Variants in VAV2 observed in about 807,000 individuals in gnomAD.
VAV2 encodes guanine nucleotide exchange factor VAV2.
Under a neutral mutation model 132.5 loss-of-function variants are expected in VAV2, and 67 were observed. The observed-to-expected ratio is 0.51, with a 90% CI of 0.42 to 0.62. The LOEUF is 0.62. Ranked by LOEUF, VAV2 falls within the 20% of genes least tolerant of loss-of-function variation. The pLI is 0.00. For synonymous variants in VAV2, 492 were observed against 443.5 expected (o/e 1.11, Z -1.37); for missense variants, 938 against 1,153.6 (o/e 0.81, Z 2.71).
intron 12 of VAV2, among the ~76,000 whole-genome samples, chr9:133,793,090 G>A (rs1178617530): frequency 1.3e-5 from 2 of 151,964 alleles, no homozygotes; most frequent in African/African-American, 4.8e-5. Flanking sequence ...AGAATGAGGG[G>A]TCAGGAAGTC....
chr9:133,802,276 G>GCA lies in VAV2; in HGVS notation c.836+3803_836+3804dup, dbSNP rs36068507. On this transcript the variant is annotated intron_variant, in intron 9 of 29. Transcript: ENST00000371850. This position sits in a 1 kb window ranked among gnomAD's most constrained non-coding sequence, Gnocchi z 5.8. ...ATAACACACACGGGCACACATGTAT[G>GCA]CACACACACACACATGCATGTGCAC... 8.7e-5 allele frequency among the ~76,000 whole-genome samples: 13 copies of GCA among 150,202 alleles called. No individual in the cohort carries two copies. The highest frequency in any genetic ancestry group is 1.2e-4 in the Non-Finnish European group (8 of 67,534).
intron 3 of VAV2, among the ~76,000 whole-genome samples, chr9:133,858,608 C>T (rs188419240): frequency 1.2e-4 from 18 of 152,338 alleles, no homozygotes; most frequent in African/African-American, 4.3e-4. Context: ...GCTACTGTCA[C>T]TGAGTGTGTT....
At chr9:133,900,805 T>TTATG (rs952507972) in intron 2 of VAV2, among the ~76,000 whole-genome samples, 40 of 125,648 alleles carry the variant, frequency 3.2e-4, no homozygotes, top group Middle Eastern at 4.5e-3. Flanking sequence ...ATTTATTTAT[T>TTATG]TATGTATTTT....
chr9:133,953,065 C>T (rs1433732522), intron 1 of VAV2, among the ~76,000 whole-genome samples: 3 of 149,536 alleles, frequency 2.0e-5, no homozygotes, highest in East Asian at 2.0e-4. Context: ...GGAGGGAGCA[C>T]GGCCCCACTG....
At chr9:133,792,249 A>G (rs1171334895) in intron 12 of VAV2, among the ~76,000 whole-genome samples, 1,285 of 44,314 alleles carry the variant, frequency 0.029, 1 homozygote, top group Middle Eastern at 0.045. Context: ...GACTGTGTGT[A>G]TAAGCGGGCT....
chr9:133,793,779 A>T (rs1388302999), intron 12 of VAV2, among the ~76,000 whole-genome samples: 2 of 152,186 alleles, frequency 1.3e-5, no homozygotes, highest in African/African-American at 4.8e-5. Flanking sequence ...CCTCAGGCCC[A>T]CAGCGGCACG....
chr9:133,871,774 A>C (rs1254638103), intron 2 of VAV2, among the ~76,000 whole-genome samples: 2 of 152,144 alleles, frequency 1.3e-5, no homozygotes, highest in Non-Finnish European at 2.9e-5. Context: ...TGACTCGACC[A>C]AGGTCTCATT....
At chr9:133,953,128 G>C (rs536424013) in intron 1 of VAV2, among the ~76,000 whole-genome samples, 6 of 152,214 alleles carry the variant, frequency 3.9e-5, no homozygotes, top group African/African-American at 1.4e-4. Flanking sequence ...ACCTCCAGAG[G>C]CAGCACAGCC....
At chr9:133,789,978 AGGCTCAGTG>A (rs1215542882) in intron 13 of VAV2, among the ~76,000 whole-genome samples, 1 of 152,242 alleles carries the variant, frequency 6.6e-6, no homozygotes, top group Admixed American at 6.5e-5. Context: ...CTCGAGGCAC[AGGCTCAGTG>A]TCTCCTTCCA....
chr9:133,933,228 G>A (rs1272759991), intron 2 of VAV2, among the ~76,000 whole-genome samples: 1 of 152,238 alleles, frequency 6.6e-6, no homozygotes, highest in Non-Finnish European at 1.5e-5. Context: ...CAGGCCTCGG[G>A]GCCAAAGCTC....
chr9:133,798,114 C>T (rs1233248595), intron 9 of VAV2, among the ~76,000 whole-genome samples: 1 of 152,154 alleles, frequency 6.6e-6, no homozygotes, highest in Non-Finnish European at 1.5e-5. Flanking sequence ...CCTCCCATCC[C>T]ACCCCCAAAA....
intron 1 of VAV2, among the ~76,000 whole-genome samples, chr9:133,990,227 G>C (rs534199209): frequency 2.0e-5 from 3 of 152,238 alleles, no homozygotes; most frequent in Admixed American, 1.3e-4. Context: ...TCCGGCAGCA[G>C]GGCCCCTAAA....
chr9:133,939,708 G>A (rs1312549451), intron 1 of VAV2, among the ~76,000 whole-genome samples: 1 of 152,240 alleles, frequency 6.6e-6, no homozygotes, highest in Non-Finnish European at 1.5e-5. Flanking sequence ...ATGCTCACGT[G>A]GGCACGTGCA....
In VAV2 at chr9:133,833,224, G is replaced by A. The variant is rs1836330806; in HGVS notation, c.449+1048C>T. Among the ~76,000 whole-genome samples, 1 of 152,146 alleles carries A rather than the reference G, an allele frequency of 6.6e-6. No homozygotes were observed. ...AATTGTGTATATACACAGGGATCCT[G>A]CGGAAAGTATTTTCCTGGGCCCTGC... On this transcript the variant is annotated intron_variant, in intron 4 of 29. Coordinates refer to ENST00000371850, the MANE Select transcript of VAV2 (RefSeq NM_001134398.2). The surrounding 1 kb of genome is among the most constrained non-coding windows in gnomAD (Gnocchi z 5.6).
rs374211267 is a variant in VAV2, at chr9:133,779,952, G to A, written c.1741-13C>T. The A allele has an allele frequency of 1.9e-6, 3 of 1,612,348 alleles. No individual in the cohort carries two copies. Among genetic ancestry groups the A allele is most frequent in the Non-Finnish European group, 2.5e-6 (3 of 1,179,674 alleles). ...CTCCGGAGGCGTCCTGTGAGGACAA[G>A]GACAGAACACAGAGATGAGGGAAGG... On this transcript the variant is annotated splice_polypyrimidine_tract_variant and intron_variant, in intron 20 of 29. Transcript: ENST00000371850.
intron 3 of VAV2, among the ~76,000 whole-genome samples, chr9:133,841,943 T>A (rs140656169): frequency 0.012 from 1,749 of 146,896 alleles, 22 homozygotes; most frequent in Non-Finnish European, 0.015. Flanking sequence ...AATTCCTGGA[T>A]CACAATTGGA....
Position 133,939,100 on chromosome 9 carries a change from C to T in VAV2, c.321+3G>A. ...ACCGAGGCTGGAGAGAGTGACTGCT[C>T]ACCTTTCCAAAGTCTCGCACATCGA... On this transcript the variant is annotated splice_donor_region_variant and intron_variant, in intron 2 of 29. Coordinates refer to ENST00000371850, the MANE Select transcript of VAV2 (RefSeq NM_001134398.2). The T allele has an allele frequency of 6.2e-7, 1 of 1,613,778 alleles. No homozygotes were observed. The highest frequency in any genetic ancestry group is 1.1e-5 in the South Asian group (1 of 91,084).
At chr9:133,956,890 C>T (rs1841799863) in intron 1 of VAV2, among the ~76,000 whole-genome samples, 3 of 152,200 alleles carry the variant, frequency 2.0e-5, no homozygotes, top group African/African-American at 4.8e-5. Flanking sequence ...GAAACCCGGC[C>T]GTCCTCAAGC....
chr9:133,890,912 C>T (rs1838906131), intron 2 of VAV2, among the ~76,000 whole-genome samples: 1 of 152,174 alleles, frequency 6.6e-6, no homozygotes, highest in Non-Finnish European at 1.5e-5. Flanking sequence ...TGCTACCTCA[C>T]TGCCAGCCAC....
Sources: allele counts gnomAD v4.1 joint callset (sites outside exome capture counted in the v4.1 genomes callset), GRCh38; gene constraint gnomAD v4.1.1; non-coding constraint Gnocchi (gnomAD v3.1); transcripts MANE v1.5; gene names NCBI Gene and HGNC (gene_info 2026-07-23, HGNC 2026-07-21).